TRAPPC9: variants seen among roughly 807,000 people sequenced by gnomAD.
TRAPPC9 encodes the protein IKK2 binding protein.
A neutral mutation model predicts 124.0 loss-of-function variants in TRAPPC9; 83 were observed. That is an observed-to-expected ratio of 0.67 (90% confidence interval 0.56 to 0.80). The LOEUF (loss-of-function observed/expected upper bound fraction) is 0.80. TRAPPC9 is among the 30% of genes least tolerant of loss of function. The pLI is 0.00. For missense variants in TRAPPC9, 1,302 were observed against 1,508.3 expected (o/e 0.86, Z 2.27); for synonymous variants, 638 against 617.5 (o/e 1.03, Z -0.49).
At chr8:140,194,850 ACACT>A (rs749884689) in intron 17 of TRAPPC9, among the ~76,000 whole-genome samples, 9 of 151,910 alleles carry the variant, frequency 5.9e-5, no homozygotes, top group African/African-American at 1.2e-4. Flanking sequence ...CCACTAAAAC[ACACT>A]CAAAGACCCA....
chr8:140,242,255 G>A (rs1375595581), intron 16 of TRAPPC9, among the ~76,000 whole-genome samples: 1 of 152,108 alleles, frequency 6.6e-6, no homozygotes, highest in Non-Finnish European at 1.5e-5. Flanking sequence ...CCAGAAGATG[G>A]ATTCAAGAGG....
chr8:140,071,213 C>T (rs1843142863), intron 17 of TRAPPC9, among the ~76,000 whole-genome samples: 1 of 152,218 alleles, frequency 6.6e-6, no homozygotes, highest in South Asian at 2.1e-4. Flanking sequence ...AACCCACTGC[C>T]TTACCTACAG....
Position 139,885,356 on chromosome 8 carries a change from T to C in TRAPPC9, c.3055+523A>G, listed in dbSNP as rs189502024. On this transcript the variant is annotated intron_variant, in intron 21 of 22. Coordinates refer to ENST00000438773, the MANE Select transcript of TRAPPC9 (RefSeq NM_001160372.4). Reference sequence around the variant, plus strand: ...CGTTCTCTTGGGGTTGAACACAACGTTGAGTTGAGGCATTTACAAACCAAA... The same window carrying C: ...CGTTCTCTTGGGGTTGAACACAACGCTGAGTTGAGGCATTTACAAACCAAA... Among the ~76,000 whole-genome samples the C allele has an allele frequency of 7.2e-5, 11 of 152,304 alleles. No individual in the cohort carries two copies. In the East Asian group the frequency reaches 7.7e-4, roughly 11 times the overall value.
At chr8:139,839,229 C>A (rs1485939761) in intron 21 of TRAPPC9, among the ~76,000 whole-genome samples, 1 of 152,232 alleles carries the variant, frequency 6.6e-6, no homozygotes, top group African/African-American at 2.4e-5. Flanking sequence ...ACCTGCCACG[C>A]TAGACACTAT....
chr8:140,372,960 A>T (rs1588236167), intron 7 of TRAPPC9, among the ~76,000 whole-genome samples: 1 of 152,184 alleles, frequency 6.6e-6, no homozygotes, highest in Non-Finnish European at 1.5e-5. Context: ...ATGGAGCCCA[A>T]ATGCCTTCAC....
At chr8:140,448,524 A>G (rs2071346699) in intron 2 of TRAPPC9, among the ~76,000 whole-genome samples, 1 of 152,252 alleles carries the variant, frequency 6.6e-6, no homozygotes, top group African/African-American at 2.4e-5. Flanking sequence ...ACAGCCAAGA[A>G]GTGGATGACT....
intron 19 of TRAPPC9, chr8:139,931,500 A>G (rs1833139134): frequency 1.3e-5 from 2 of 152,184 alleles, no homozygotes; most frequent in South Asian, 4.1e-4. Flanking sequence ...TTTACAGTTG[A>G]CCTTGAAGAC....
chr8:140,270,633 G>A (rs999270407), intron 15 of TRAPPC9, among the ~76,000 whole-genome samples: 1 of 152,194 alleles, frequency 6.6e-6, no homozygotes, highest in African/African-American at 2.4e-5. Flanking sequence ...AGACCCAGGA[G>A]CCCAGGCTTA....
chr8:139,739,056 C>T (rs1160755001), intron 21 of TRAPPC9, among the ~76,000 whole-genome samples: 1 of 152,202 alleles, frequency 6.6e-6, no homozygotes, highest in African/African-American at 2.4e-5. Context: ...ATCTAACAAG[C>T]ACTGGAGAGG....
chr8:139,784,035 C>T (rs1822009953), intron 21 of TRAPPC9, among the ~76,000 whole-genome samples: 1 of 152,192 alleles, frequency 6.6e-6, no homozygotes, highest in Non-Finnish European at 1.5e-5. Context: ...AATCCACAGA[C>T]ATCATACTTA....
chr8:139,850,641 G>A (rs1383824782), intron 21 of TRAPPC9, among the ~76,000 whole-genome samples: 2 of 152,242 alleles, frequency 1.3e-5, no homozygotes, highest in African/African-American at 4.8e-5. Flanking sequence ...GTGTCAATGA[G>A]TTGAACAATC....
intron 3 of TRAPPC9, among the ~76,000 whole-genome samples, chr8:140,438,553 G>A (rs924918143): frequency 6.6e-6 from 1 of 152,154 alleles, no homozygotes; most frequent in African/African-American, 2.4e-5. Flanking sequence ...GCATGGCAGG[G>A]TGGGAGGAGG....
intron 21 of TRAPPC9, among the ~76,000 whole-genome samples, chr8:139,807,545 C>T (rs776370440): frequency 3.4e-4 from 51 of 152,158 alleles, no homozygotes; most frequent in Non-Finnish European, 6.3e-4. Flanking sequence ...GCAAGGAAAA[C>T]GCAATGAACA....
intron 15 of TRAPPC9, among the ~76,000 whole-genome samples, chr8:140,268,256 C>T (rs2064754089): frequency 1.3e-5 from 2 of 152,210 alleles, no homozygotes; most frequent in Admixed American, 1.3e-4. Context: ...CCTATACTGT[C>T]TCTGCTCCGC....
chr8:140,288,909 A>C (rs2065566480), intron 12 of TRAPPC9, among the ~76,000 whole-genome samples: 1 of 152,180 alleles, frequency 6.6e-6, no homozygotes, highest in Non-Finnish European at 1.5e-5. Flanking sequence ...GGTTTTCTGC[A>C]GCAGTATGGT....
At chr8:139,994,863 G>C (rs1238322550) in intron 18 of TRAPPC9, among the ~76,000 whole-genome samples, 1 of 151,986 alleles carries the variant, frequency 6.6e-6, no homozygotes, top group African/African-American at 2.4e-5. Context: ...CAAGCAGAGA[G>C]TGGTGTAGGA....
At chr8:140,256,306 G>C (rs2064257094) in intron 15 of TRAPPC9, among the ~76,000 whole-genome samples, 1 of 152,216 alleles carries the variant, frequency 6.6e-6, no homozygotes, top group Admixed American at 6.5e-5. Context: ...AATGGGAAAA[G>C]AACTTCAAAG....
intron 21 of TRAPPC9, among the ~76,000 whole-genome samples, chr8:139,784,570 T>C (rs566376697): frequency 1.5e-5 from 2 of 129,516 alleles, no homozygotes; most frequent in South Asian, 2.6e-4. Context: ...AGAGACTCCA[T>C]GTCAAATAAA....
Position 139,907,531 on chromosome 8 carries a change from A to G in TRAPPC9, c.2964+2616T>C, listed in dbSNP as rs13275277. On this transcript the variant is annotated intron_variant, in intron 20 of 22. Coordinates refer to ENST00000438773, the MANE Select transcript of TRAPPC9 (RefSeq NM_001160372.4). This position sits in a 1 kb window ranked among gnomAD's most constrained non-coding sequence, Gnocchi z 4.7. ...GGGGGGAAGGGAGAGGAGAGGGAGAAAGAGAAAGGGGGGGAGGAAGGGATG... is the reference window on the plus strand; with the variant it reads ...GGGGGGAAGGGAGAGGAGAGGGAGAGAGAGAAAGGGGGGGAGGAAGGGATG... 0.66 allele frequency among the ~76,000 whole-genome samples: 91,959 copies of G among 140,240 alleles called. 31,716 individuals carry two copies. Among genetic ancestry groups the G allele is most frequent in the African/African-American group, 0.91 (34,002 of 37,286 alleles). The allele number at this position is 140,240 out of a possible 152,430, so 92.0% of individuals were successfully genotyped here.
Sources: allele counts gnomAD v4.1 joint callset (sites outside exome capture counted in the v4.1 genomes callset), GRCh38; gene constraint gnomAD v4.1.1; non-coding constraint Gnocchi (gnomAD v3.1); transcripts MANE v1.5; gene names NCBI Gene and HGNC (gene_info 2026-07-23, HGNC 2026-07-21).